Variants in ATRNL1 observed in about 807,000 individuals in gnomAD.
The protein encoded by ATRNL1 is attractin-like protein 1.
ATRNL1 carries 95 observed loss-of-function variants against 182.7 expected under a neutral mutation model. The ratio of observed to expected loss-of-function variants is 0.52; its 90% CI spans 0.44 to 0.62. ATRNL1 has a LOEUF of 0.62. ATRNL1 is among the 20% of genes least tolerant of loss of function. The pLI is 0.00. For synonymous variants in ATRNL1, 576 were observed against 568.3 expected, an observed-to-expected ratio of 1.01 and a Z score of -0.19; for missense variants, 1,471 against 1,679.5, an observed-to-expected ratio of 0.88 and a Z score of 2.17.
intron 25 of ATRNL1, among the ~76,000 whole-genome samples, chr10:115,530,626 CTT>C (rs537163719): frequency 6.6e-6 from 1 of 151,550 alleles, no homozygotes; most frequent in African/African-American, 2.4e-5. Flanking sequence ...AAAAATAAGA[CTT>C]TTTATTATTA....
intron 10 of ATRNL1, among the ~76,000 whole-genome samples, chr10:115,258,881 G>A (rs536290684): frequency 1.3e-5 from 2 of 152,292 alleles, no homozygotes; most frequent in African/African-American, 4.8e-5. Flanking sequence ...TCCCTCAGCT[G>A]CAAGTCTGTT....
At chr10:115,787,319 T>C (rs552687536) in intron 27 of ATRNL1, among the ~76,000 whole-genome samples, 3 of 152,304 alleles carry the variant, frequency 2.0e-5, no homozygotes, top group African/African-American at 7.2e-5. Context: ...CATCAATATA[T>C]AGCCAGGCTT....
chr10:115,530,350 A>G (rs1554987849), intron 25 of ATRNL1, among the ~76,000 whole-genome samples: 1 of 152,190 alleles, frequency 6.6e-6, no homozygotes, highest in African/African-American at 2.4e-5. Context: ...AGCAAGGATC[A>G]GACATTTATT....
At chr10:115,923,844 G>C (rs1555119284) in intron 28 of ATRNL1, among the ~76,000 whole-genome samples, 7 of 152,160 alleles carry the variant, frequency 4.6e-5, no homozygotes. Flanking sequence ...CTTCCACAAT[G>C]GTTGAACTAA....
intron 20 of ATRNL1, among the ~76,000 whole-genome samples, chr10:115,407,689 T>A (rs1844901913): frequency 6.6e-6 from 1 of 152,236 alleles, no homozygotes; most frequent in Admixed American, 6.5e-5. Context: ...GCAATAAATA[T>A]GACGATGCAA....
intron 14 of ATRNL1, 135 bp downstream of exon 14, chr10:115,281,622 C>T (rs376572325): frequency 1.2e-6 from 1 of 811,966 alleles, no homozygotes; most frequent in East Asian, 2.9e-5. Context: ...TATTGTAGTA[C>T]TAATAACACT....
intron 27 of ATRNL1, among the ~76,000 whole-genome samples, chr10:115,785,614 C>G (rs1445709784): frequency 6.6e-6 from 1 of 152,184 alleles, no homozygotes; most frequent in Non-Finnish European, 1.5e-5. Context: ...GATCTGTTAA[C>G]CACACACCTA....
chr10:115,231,651 G>T (rs1592294864), intron 9 of ATRNL1, among the ~76,000 whole-genome samples: 1 of 152,098 alleles, frequency 6.6e-6, no homozygotes, highest in African/African-American at 2.4e-5. Flanking sequence ...AAAACAAGTA[G>T]CAATGGGATC....
intron 1 of ATRNL1, among the ~76,000 whole-genome samples, chr10:115,099,231 T>C (rs1554863995): frequency 6.6e-6 from 1 of 152,214 alleles, no homozygotes. Context: ...CACAGCGTGT[T>C]TATTTTGAGA....
intron 27 of ATRNL1, among the ~76,000 whole-genome samples, chr10:115,772,054 A>G (rs1949007087): frequency 6.6e-6 from 1 of 152,242 alleles, no homozygotes; most frequent in Non-Finnish European, 1.5e-5. Context: ...GACAGTCCTT[A>G]CAAGAAATGA....
chr10:115,101,565 T>G (rs1843769745), intron 1 of ATRNL1, among the ~76,000 whole-genome samples: 1 of 152,196 alleles, frequency 6.6e-6, no homozygotes, highest in South Asian at 2.1e-4. Flanking sequence ...TCTGACACAA[T>G]ATGCTTTCCT....
At chr10:115,930,703 A>G (rs1953369863) in intron 28 of ATRNL1, among the ~76,000 whole-genome samples, 2 of 152,230 alleles carry the variant, frequency 1.3e-5, no homozygotes, top group Non-Finnish European at 2.9e-5. Context: ...CAGTAAATAT[A>G]CAACTAAGAG....
chr10:115,093,841 G>A lies in ATRNL1; in HGVS notation c.91G>A (p.Gly31Ser). 6.5e-7 allele frequency: 1 copy of A among 1,533,450 alleles called. No individual in the cohort carries two copies. The highest frequency in any genetic ancestry group is 8.7e-7 in the Non-Finnish European group (1 of 1,144,114). The allele number at this position is 1,533,450 out of a possible 1,614,324, so 95.0% of individuals were successfully genotyped here. A position where few individuals can be genotyped will look rare whatever the true frequency, so the allele number is the denominator to read the frequency against. The part of the protein sequence containing the change: ...RARPAGGGGG[G>S]ASSWLLDGNS... ...TCGGCCGGCGGGCGGCGGCGGCGGGGGCGCCTCCTCCTGGCTGCTGGACGG... is the reference window on the plus strand; with the variant it reads ...TCGGCCGGCGGGCGGCGGCGGCGGGAGCGCCTCCTCCTGGCTGCTGGACGG... The change falls in exon 1 of 29, where the codon GGC (glycine) becomes AGC (serine). Residue 31 changes from glycine (G) to serine (S), a missense_variant. Gly to Ser is a moderately conservative substitution (Grantham distance 56, BLOSUM62 0). Around this residue, in one of 3 missense-constraint regions of ATRNL1, gnomAD observed 1,031 missense variants for 1,156.0 expected, o/e 0.89. Coordinates refer to ENST00000355044, the MANE Select transcript of ATRNL1 (RefSeq NM_207303.4). This position sits in a 1 kb window ranked among gnomAD's most constrained non-coding sequence, Gnocchi z 6.1.
At chr10:115,364,873 C>G (rs1856945160) in intron 19 of ATRNL1, among the ~76,000 whole-genome samples, 1 of 151,060 alleles carries the variant, frequency 6.6e-6, no homozygotes, top group African/African-American at 2.4e-5. Context: ...ATGAAGCCCA[C>G]TTGATCATGG....
intron 27 of ATRNL1, among the ~76,000 whole-genome samples, chr10:115,822,000 C>T (rs907084469): frequency 1.3e-5 from 2 of 152,196 alleles, no homozygotes; most frequent in Admixed American, 6.5e-5. Context: ...CCACATCACA[C>T]TTATTCTAAA....
At chr10:115,739,255 G>C (rs1484802431) in intron 27 of ATRNL1, among the ~76,000 whole-genome samples, 1 of 152,104 alleles carries the variant, frequency 6.6e-6, no homozygotes, top group Admixed American at 6.6e-5. Flanking sequence ...TTAAGCATAT[G>C]GTCACATCAC....
At chr10:115,490,313 A>G (rs1288933479) in intron 24 of ATRNL1, among the ~76,000 whole-genome samples, 1 of 152,176 alleles carries the variant, frequency 6.6e-6, no homozygotes, top group Non-Finnish European at 1.5e-5. Flanking sequence ...AATATCCTGA[A>G]GAATTTTTCC....
At chr10:115,366,836 GAA>G (rs1857070424) in intron 19 of ATRNL1, among the ~76,000 whole-genome samples, 3 of 146,146 alleles carry the variant, frequency 2.1e-5, no homozygotes, top group Admixed American at 6.7e-5. Context: ...TAAGAATGTT[GAA>G]TATTGGCCCC....
chr10:115,261,290 T>G (rs1851381921), intron 10 of ATRNL1, among the ~76,000 whole-genome samples: 1 of 152,186 alleles, frequency 6.6e-6, no homozygotes, highest in South Asian at 2.1e-4. Flanking sequence ...GAATTGCAGA[T>G]TCTCAAAAAT....
Sources: gnomAD v4.1 joint callset for allele counts (sites outside exome capture counted in the v4.1 genomes callset) on GRCh38, gnomAD v4.1.1 for gene constraint, gnomAD v4.1.1 regional missense constraint, Gnocchi (gnomAD v3.1) non-coding constraint, MANE v1.5 for transcripts, NCBI Gene and HGNC (gene_info 2026-07-23, HGNC 2026-07-21) for gene names.